Variants in DBF4 observed in about 807,000 individuals in gnomAD.
DBF4 encodes the protein DBF4-CDC7 kinase regulatory subunit, also known as protein DBF4 homolog A.
DBF4 carries 25 observed loss-of-function variants against 76.6 expected under a neutral mutation model. The observed-to-expected ratio is 0.33, with a 90% CI of 0.24 to 0.46. DBF4 has a LOEUF of 0.46. DBF4 is among the 20% of genes least tolerant of loss of function. The pLI is 1.00. For missense variants in DBF4, 638 were observed against 760.8 expected (o/e 0.84, Z 1.90); for synonymous variants, 213 against 258.0 (o/e 0.83, Z 1.67).
rs747203761 is a variant in DBF4, at chr7:87,896,433, TA to T, written c.598-40del. ...GCAATTGCAGTTGCTGTTTTAACTG[TA>T]CTTTCAAAGCCAATCTTTTCACTAT... is the stretch of plus-strand genomic sequence containing the variant. On this transcript the variant is annotated intron_variant, in intron 6 of 11. Transcript: ENST00000265728. 5.7e-6 allele frequency: 9 copies of T among 1,574,586 alleles called. No homozygotes were observed. The African/African-American group carries it at 1.2e-4, about 21-fold the overall frequency.
intron 6 of DBF4, among the ~76,000 whole-genome samples, chr7:87,895,596 T>C (rs1276775566): frequency 6.6e-6 from 1 of 152,188 alleles, no homozygotes; most frequent in African/African-American, 2.4e-5. Context: ...AAGCCCTTGC[T>C]ATGCTGCGTT....
At position 87,876,816 on chromosome 7, in the gene DBF4, C is replaced by T. The variant is rs752799905; in HGVS notation, c.46+38C>T. On this transcript the variant is annotated intron_variant, in intron 1 of 11. Transcript: ENST00000265728. ...TCCTCCGCCTGCAGTCCCTTTAATC[C>T]TTTCCTCCCCTCGTGGTTCCACCAT... The T allele has an allele frequency of 2.4e-5, 38 of 1,607,644 alleles. No homozygotes were observed. The Admixed American group carries it at 6.4e-4, about 27-fold the overall frequency.
intron 6 of DBF4, 191 bp downstream of exon 6, chr7:87,888,250 G>A (rs1377105212): frequency 1.0e-6 from 1 of 973,752 alleles, no homozygotes; most frequent in Non-Finnish European, 1.2e-6. Flanking sequence ...GTTGTTCCTG[G>A]AATAGTGGCA....
intron 3 of DBF4, 25 bp downstream of exon 3, chr7:87,885,183 G>T: frequency 6.4e-7 from 1 of 1,561,936 alleles, no homozygotes; most frequent in South Asian, 1.2e-5. Flanking sequence ...TATGCTTTGA[G>T]ACTCAGAAGG....
intron 8 of DBF4, among the ~76,000 whole-genome samples, chr7:87,897,655 C>T (rs772521175): frequency 6.6e-6 from 1 of 152,138 alleles, no homozygotes; most frequent in Non-Finnish European, 1.5e-5. Flanking sequence ...AAGATTACGC[C>T]TTCATTTGCG....
At chr7:87,889,851 A>G (rs1839443011) in intron 6 of DBF4, among the ~76,000 whole-genome samples, 1 of 152,216 alleles carries the variant, frequency 6.6e-6, no homozygotes, top group African/African-American at 2.4e-5. Flanking sequence ...TGGATGAGGA[A>G]TTACAAGGAT....
intron 2 of DBF4, among the ~76,000 whole-genome samples, chr7:87,879,853 C>T (rs757346063): frequency 1.3e-5 from 2 of 151,106 alleles, no homozygotes; most frequent in South Asian, 2.1e-4. Context: ...TTCGGGAGGC[C>T]GAGGCATGAG....
At chr7:87,906,956 A>C (rs1344057415) in intron 11 of DBF4, among the ~76,000 whole-genome samples, 1 of 152,196 alleles carries the variant, frequency 6.6e-6, no homozygotes, top group Admixed American at 6.5e-5. Context: ...AATGTAGAGG[A>C]GAAGAGAGGT....
In DBF4 at chr7:87,909,201, C is replaced by A. The variant is rs1317652732; in HGVS notation, c.*1038C>A. 1.3e-5 allele frequency: 2 copies of A among 152,154 alleles called. No individual in the cohort carries two copies. The highest frequency in any genetic ancestry group is 2.4e-5 in the African/African-American group (1 of 41,434). 9.4% of individuals were successfully genotyped at this position (152,154 alleles called of 1,614,324 possible). ...TGCCTTGATCTGGCACTTACTGATA[C>A]AAGCATTTGGAGAAGAGAAAATTCA... On this transcript the variant is annotated 3_prime_UTR_variant, in exon 12 of 12. Coordinates refer to ENST00000265728, the MANE Select transcript of DBF4 (RefSeq NM_006716.4).
rs1434111050 is a variant in DBF4 at position 87,907,301 on chromosome 7, A to C, written c.1163A>C (p.Asp388Ala). 3 of 1,614,036 alleles carry C rather than the reference A, an allele frequency of 1.9e-6. No homozygotes were observed. Among genetic ancestry groups the C allele is most frequent in the Admixed American group, 3.3e-5 (2 of 60,024 alleles). The change falls in exon 12 of 12, where the codon GAT (aspartate) becomes GCT (alanine). Residue 388 changes from aspartate to alanine, a missense_variant. Transcript: ENST00000265728. ...QHISQKDCQE[D>A]DTTVKEQNFL... is the part of the protein sequence containing the mutation. ...ATTTCTCAGAAAGATTGCCAGGAAG[A>C]TGATACAACAGTGAAGGAGCAGAAT...
Position 87,907,944 on chromosome 7 carries a change from T to A in DBF4, c.1806T>A (p.Phe602Leu). Reference sequence around the variant, plus strand: ...CTGAATTTGATAAAAGAACTGAATTTATTACACAAGAAGAAAACAGAATTT... The same window carrying A: ...CTGAATTTGATAAAAGAACTGAATTAATTACACAAGAAGAAAACAGAATTT... ...PNAEFDKRTE[F>L]ITQEENRICS... The change falls in exon 12 of 12, where the codon TTT (phenylalanine) becomes TTA (leucine). Residue 602 changes from phenylalanine (F) to leucine (L), a missense_variant. Phe to Leu is a conservative substitution (Grantham distance 22). Coordinates refer to ENST00000265728, the MANE Select transcript of DBF4 (RefSeq NM_006716.4). The A allele has an allele frequency of 6.2e-7, 1 of 1,612,710 alleles. No homozygotes were observed. Among genetic ancestry groups the A allele is most frequent in the Non-Finnish European group, 8.5e-7 (1 of 1,179,622 alleles).
At position 87,908,081 on chromosome 7, in the gene DBF4, A is replaced by G. The variant is rs373635124; in HGVS notation, c.1943A>G (p.Asp648Gly). Residue 648 changes from aspartate (D) to glycine (G), a missense_variant, in exon 12 of 12, where the codon GAT (aspartate) becomes GGT (glycine). Coordinates refer to ENST00000265728, the MANE Select transcript of DBF4 (RefSeq NM_006716.4). ...AAGAGTGGTATATGCAATGTTTTAG[A>G]TATTTGGGAAGAGGAAAATTCAGAT... ...TEKSGICNVL[D>G]IWEEENSDNL... 5 of 1,611,356 alleles carry G rather than the reference A, an allele frequency of 3.1e-6. No homozygotes were observed. The highest frequency in any genetic ancestry group is 1.3e-5 in the African/African-American group (1 of 74,802).
intron 6 of DBF4, among the ~76,000 whole-genome samples, chr7:87,895,254 T>C (rs1001245518): frequency 6.6e-6 from 1 of 152,222 alleles, no homozygotes; most frequent in Non-Finnish European, 1.5e-5. Context: ...TGCTGAGAAT[T>C]TGTCTCTTTC....
intron 9 of DBF4, 73 bp downstream of exon 9, chr7:87,900,422 A>G (rs1562765306): frequency 6.8e-7 from 1 of 1,477,056 alleles, no homozygotes; most frequent in South Asian, 1.3e-5. Flanking sequence ...AAGATTTGAA[A>G]TAGTTTCATT....
intron 11 of DBF4, among the ~76,000 whole-genome samples, chr7:87,905,585 T>C (rs986146844): frequency 1.3e-5 from 2 of 152,204 alleles, no homozygotes; most frequent in African/African-American, 4.8e-5. Flanking sequence ...TTGTCCTGAT[T>C]AGATTATTCC....
chr7:87,894,332 C>T (rs1236792937), intron 6 of DBF4, among the ~76,000 whole-genome samples: 5 of 152,058 alleles, frequency 3.3e-5, no homozygotes, highest in African/African-American at 7.2e-5. Context: ...TGGTGGCATG[C>T]GCCTGTAGTC....
intron 6 of DBF4, 40 bp from the exon 7 acceptor site, chr7:87,896,434 A>G (rs1157118671): frequency 3.8e-6 from 6 of 1,577,800 alleles, no homozygotes; most frequent in Non-Finnish European, 5.2e-6. Context: ...TTTTAACTGT[A>G]CTTTCAAAGC....
chr7:87,900,155 C>G, intron 8 of DBF4, 66 bp from the exon 9 acceptor site: 1 of 1,332,414 alleles, frequency 7.5e-7, no homozygotes, highest in Non-Finnish European at 1.0e-6. Context: ...TTTTGAAATA[C>G]AAAACTTTAA....
Position 87,876,552 on chromosome 7 carries a change from G to A in DBF4, c.-181G>A. Reference sequence around the variant, plus strand: ...TTTGCGCCTTCCTCCTCCGCGCCTTGGAGCCGGATCCGGCCCCGGAAACCC... The same window carrying A: ...TTTGCGCCTTCCTCCTCCGCGCCTTAGAGCCGGATCCGGCCCCGGAAACCC... On this transcript the variant is annotated 5_prime_UTR_variant, in exon 1 of 12. Coordinates refer to ENST00000265728, the MANE Select transcript of DBF4 (RefSeq NM_006716.4). 1 of 644,964 alleles carries A rather than the reference G, an allele frequency of 1.6e-6. No homozygotes were observed. The highest frequency in any genetic ancestry group is 2.7e-6 in the Non-Finnish European group (1 of 368,456). The allele number at this position is 644,964 out of a possible 1,614,324, so 40.0% of individuals were successfully genotyped here. A position where few individuals can be genotyped will look rare whatever the true frequency, so the allele number is the denominator to read the frequency against.
Sources: allele counts gnomAD v4.1 joint callset (sites outside exome capture counted in the v4.1 genomes callset), GRCh38; gene constraint gnomAD v4.1.1; transcripts MANE v1.5; gene names NCBI Gene and HGNC (gene_info 2026-07-23, HGNC 2026-07-21).